The following ARFGEF1 variants were observed in gnomAD, a reference collection of about 807,000 sequenced individuals.
ARFGEF1 encodes ARF guanine nucleotide exchange factor 1, also known as brefeldin A-inhibited guanine nucleotide-exchange protein 1.
In ARFGEF1, 42 loss-of-function variants were observed where a neutral mutation model predicts 231.0. That is an observed-to-expected ratio of 0.18 (90% CI 0.14 to 0.24). The LOEUF (loss-of-function observed/expected upper bound fraction) is 0.24. ARFGEF1 is among the 10% of genes least tolerant of loss of function. ARFGEF1 has a pLI of 1.00. For missense variants in ARFGEF1, 1,345 were observed against 2,192.0 expected (o/e 0.61, Z 7.72); for synonymous variants, 710 against 732.3 (o/e 0.97, Z 0.49).
At chr8:67,204,212 T>C (rs978099326) in intron 35 of ARFGEF1, among the ~76,000 whole-genome samples, 6 of 152,168 alleles carry the variant, frequency 3.9e-5, no homozygotes, top group Non-Finnish European at 8.8e-5. Context: ...ATTATAATTA[T>C]GCTTTTGTCC....
At position 67,251,251 on chromosome 8, in the gene ARFGEF1, T is replaced by TTATATA. The variant is rs779595050; in HGVS notation, c.2850+42_2850+47dup. On this transcript the variant is annotated intron_variant, in intron 19 of 38. Coordinates refer to ENST00000262215, the MANE Select transcript of ARFGEF1 (RefSeq NM_006421.5). ...TAACTTAAAAATATTATAAATGTAG[T>TTATATA]TATATATAAATGTACACTGCAATCA... 17 of 1,483,874 alleles carry TTATATA rather than the reference T, an allele frequency of 1.1e-5. No homozygotes were observed. In the South Asian group the frequency reaches 2.4e-4, roughly 21 times the overall value. 91.9% of individuals were successfully genotyped at this position (1,483,874 alleles called of 1,614,324 possible).
intron 1 of ARFGEF1, among the ~76,000 whole-genome samples, chr8:67,310,068 T>C (rs1032049099): frequency 6.6e-6 from 1 of 152,062 alleles, no homozygotes; most frequent in Admixed American, 6.5e-5. Context: ...GAAATCCAAG[T>C]TAAGATACAC....
At chr8:67,239,974 T>G (rs7831052) in intron 20 of ARFGEF1, among the ~76,000 whole-genome samples, 188 bp downstream of exon 20, 13,620 of 152,250 alleles carry the variant, frequency 0.089, 1,276 homozygotes, top group African/African-American at 0.24. Flanking sequence ...CTTAGACAGA[T>G]CAGTATAGAA....
intron 5 of ARFGEF1, among the ~76,000 whole-genome samples, chr8:67,295,378 A>T (rs1333136245): frequency 6.6e-6 from 1 of 152,204 alleles, no homozygotes. Context: ...TACCTTAACC[A>T]AGTGATCAAG....
chr8:67,307,116 C>T (rs1806782711), intron 1 of ARFGEF1, among the ~76,000 whole-genome samples: 1 of 152,198 alleles, frequency 6.6e-6, no homozygotes, highest in Admixed American at 6.5e-5. Context: ...TGAGAACCTA[C>T]ACATCCAAAG....
intron 17 of ARFGEF1, among the ~76,000 whole-genome samples, chr8:67,256,873 T>C (rs1840471334): frequency 6.6e-6 from 1 of 152,216 alleles, no homozygotes; most frequent in African/African-American, 2.4e-5. Flanking sequence ...GGTATGGTTA[T>C]GTTTAACTAG....
chr8:67,324,259 A>G (rs1807727203), intron 1 of ARFGEF1, among the ~76,000 whole-genome samples: 1 of 152,152 alleles, frequency 6.6e-6, no homozygotes, highest in Non-Finnish European at 1.5e-5. Flanking sequence ...GCGCCACTGC[A>G]CTCTAGCTTG....
intron 13 of ARFGEF1, 98 bp downstream of exon 13, chr8:67,266,778 A>C: frequency 1.2e-6 from 1 of 806,956 alleles, no homozygotes; most frequent in African/African-American, 1.7e-5. Context: ...TAAATGAATA[A>C]ATATGTCATG....
At chr8:67,218,732 A>T (rs1839043465) in intron 30 of ARFGEF1, among the ~76,000 whole-genome samples, 4 of 152,150 alleles carry the variant, frequency 2.6e-5, no homozygotes, top group Admixed American at 2.6e-4. Flanking sequence ...CTCTTGACAC[A>T]TTTCCTAAAA....
At position 67,224,983 on chromosome 8, in the gene ARFGEF1, C is replaced by T; in HGVS notation, c.4128G>A (p.Arg1376=). 6.2e-7 allele frequency: 1 copy of T among 1,606,664 alleles called. No individual in the cohort carries two copies. The highest frequency in any genetic ancestry group is 8.5e-7 in the Non-Finnish European group (1 of 1,176,466). Residue 1376 remains arginine, a synonymous_variant, in exon 29 of 39, where the codon AGG becomes AGA. Transcript: ENST00000262215. ...SDDMNVAPED[R]VWVRGWFPIL... is the part of the protein sequence containing the mutation. Reference sequence around the variant, plus strand: ...TTGGGAACCATCCTCTCACCCACACCCTGTCTTCAGGTGCTACGTTCATAT... The same window carrying T: ...TTGGGAACCATCCTCTCACCCACACTCTGTCTTCAGGTGCTACGTTCATAT...
chr8:67,216,456 A>T (rs1456965660), intron 33 of ARFGEF1, 134 bp downstream of exon 33: 3 of 804,446 alleles, frequency 3.7e-6, no homozygotes, highest in Non-Finnish European at 3.8e-6. Context: ...ATGTCTATTT[A>T]TAAGTAATCC....
At chr8:67,318,232 G>A (rs1265393382) in intron 1 of ARFGEF1, among the ~76,000 whole-genome samples, 4 of 120,788 alleles carry the variant, frequency 3.3e-5, no homozygotes, top group East Asian at 5.3e-4. Flanking sequence ...GCCAGACTCC[G>A]TCTCAAGAAA....
rs553937126 is a variant in ARFGEF1, at chr8:67,234,599, GA to G, written c.3290-1655del. 5.9e-5 allele frequency among the ~76,000 whole-genome samples: 9 copies of G among 152,188 alleles called. No individual in the cohort carries two copies. In the South Asian group the frequency reaches 1.9e-3, roughly 32 times the overall value. On this transcript the variant is annotated intron_variant, in intron 22 of 38. Coordinates refer to ENST00000262215, the MANE Select transcript of ARFGEF1 (RefSeq NM_006421.5). ...GGATTGGCAGACACCAGGAAGAAGGGAAAAGAACAGCAGTAGGAGATAAAGC... is the reference window on the plus strand; with the variant it reads ...GGATTGGCAGACACCAGGAAGAAGGGAAAGAACAGCAGTAGGAGATAAAGC...
intron 1 of ARFGEF1, among the ~76,000 whole-genome samples, chr8:67,335,935 G>A (rs9650223): frequency 2.6e-5 from 4 of 151,868 alleles, no homozygotes; most frequent in Non-Finnish European, 5.9e-5. Context: ...ATTTTTAGTA[G>A]AGACGGAGTT....
At chr8:67,218,207 A>T (rs868513308) in intron 30 of ARFGEF1, 69 bp from the exon 31 acceptor site, 3,634 of 90,374 alleles carry the variant, frequency 0.04, 100 homozygotes, top group African/African-American at 0.08. Flanking sequence ...AAAAAAAAAA[A>T]ATATATATAT....
chr8:67,333,793 T>C (rs1304944254), intron 1 of ARFGEF1, among the ~76,000 whole-genome samples: 8 of 152,116 alleles, frequency 5.3e-5, no homozygotes, highest in African/African-American at 9.7e-5. Flanking sequence ...TCTCACGTGA[T>C]GGGTCACAGT....
At chr8:67,339,805 G>GGGGGGGGGGGGGGGTTTTTTTT (rs79194289) in intron 1 of ARFGEF1, among the ~76,000 whole-genome samples, 1 of 92,686 alleles carries the variant, frequency 1.1e-5, no homozygotes, top group Non-Finnish European at 2.2e-5. Flanking sequence ...CGGGGGGGGG[G>GGGGGGGGGGGGGGGTTTTTTTT]ATTCTTTCTT....
chr8:67,310,115 CCCACGGTTTCCCTCTCTTT>C (rs1417584010), intron 1 of ARFGEF1, among the ~76,000 whole-genome samples: 1 of 152,100 alleles, frequency 6.6e-6, no homozygotes, highest in Non-Finnish European at 1.5e-5. Context: ...TCTCCCTCTC[CCCACGGTTTCCCTCTCTTT>C]CCACGGTCTC....
chr8:67,205,935 A>C lies in ARFGEF1; in HGVS notation c.4820-1116T>G, dbSNP rs1048305369. Among the ~76,000 whole-genome samples the C allele has an allele frequency of 1.3e-4, 20 of 152,208 alleles. No individual in the cohort carries two copies. In the South Asian group the frequency reaches 3.5e-3, roughly 27 times the overall value. ...AATAGGTTATATGAAAACCTATGAC[A>C]TAAGAAAATAACAGAACAGATCCAT... On this transcript the variant is annotated intron_variant, in intron 34 of 38. Transcript: ENST00000262215.
Sources: gnomAD v4.1 joint callset for allele counts (sites outside exome capture counted in the v4.1 genomes callset) on GRCh38, gnomAD v4.1.1 for gene constraint, MANE v1.5 for transcripts, NCBI Gene and HGNC (gene_info 2026-07-23, HGNC 2026-07-21) for gene names.